U2SURP: variants seen among roughly 807,000 people sequenced by gnomAD.
The protein encoded by U2SURP is U2 snRNP associated SURP domain containing.
U2SURP carries 9 observed loss-of-function variants against 144.9 expected under a neutral mutation model. The ratio of observed to expected loss-of-function variants is 0.06; its 90% CI spans 0.04 to 0.11. U2SURP has a LOEUF of 0.11. U2SURP is among the 10% of genes least tolerant of loss of function. The probability of loss-of-function intolerance (pLI) is 1.00; values close to 1 mark genes in which losing one functional copy is unlikely to be tolerated. For synonymous variants in U2SURP, 408 were observed against 396.8 expected (o/e 1.03, Z -0.33); for missense variants, 724 against 1,226.7 (o/e 0.59, Z 6.12).
chr3:143,046,297 A>ATTTTTTTTTTTTTTTTTTTTTTTTTTT (rs11400849), intron 24 of U2SURP, among the ~76,000 whole-genome samples: 10 of 106,392 alleles, frequency 9.4e-5, no homozygotes, highest in African/African-American at 2.0e-4. Flanking sequence ...TTTATTTTTT[A>ATTTTTTTTTTTTTTTTTTTTTTTTTTT]TTTTTTTTTA....
At chr3:143,021,971 A>G (rs1936656778) in intron 10 of U2SURP, among the ~76,000 whole-genome samples, 1 of 152,198 alleles carries the variant, frequency 6.6e-6, no homozygotes, top group South Asian at 2.1e-4. Context: ...TGGGGAATGT[A>G]GTAACGGTAG....
chr3:143,021,453 T>G lies in U2SURP; in HGVS notation c.770-20T>G. The G allele has an allele frequency of 1.9e-6, 3 of 1,613,044 alleles. No individual in the cohort carries two copies. Among genetic ancestry groups the G allele is most frequent in the Non-Finnish European group, 2.5e-6 (3 of 1,179,452 alleles). On this transcript the variant is annotated intron_variant, in intron 9 of 27. Coordinates refer to ENST00000473835, the MANE Select transcript of U2SURP (RefSeq NM_001080415.2). ...CTTTATGTTTTGCAGGTTATAATTC[T>G]TTTTTTCTTTCTGCCCTAGTTCTTG...
At chr3:143,028,438 A>C in intron 15 of U2SURP, 32 bp downstream of exon 15, 1 of 1,610,200 alleles carries the variant, frequency 6.2e-7, no homozygotes, top group Non-Finnish European at 8.5e-7. Flanking sequence ...GTTAATTTTG[A>C]CTCTGAGTAA....
chr3:143,012,235 G>C lies in U2SURP; in HGVS notation c.104G>C (p.Gly35Ala). Reference sequence around the variant, plus strand: ...CTTTTCCTGAAGATGGATGCATCTGGACCCTCAGATAGTGATATGCCAAGT... The same window carrying C: ...CTTTTCCTGAAGATGGATGCATCTGCACCCTCAGATAGTGATATGCCAAGT... ...GSSDAHMDAS[G>A]PSDSDMPSRT... The change falls in exon 3 of 28, where the codon GGA (glycine) becomes GCA (alanine). Residue 35 changes from glycine (G) to alanine (A), a missense_variant. Around this residue, in one of 13 missense-constraint regions of U2SURP, gnomAD observed 127 missense variants for 98.2 expected, o/e 1.29. Coordinates refer to ENST00000473835, the MANE Select transcript of U2SURP (RefSeq NM_001080415.2). 3 of 1,612,474 alleles carry C rather than the reference G, an allele frequency of 1.9e-6. No homozygotes were observed. The East Asian group carries it at 6.7e-5, about 36-fold the overall frequency.
intron 24 of U2SURP, among the ~76,000 whole-genome samples, chr3:143,046,297 A>ATTT (rs11400849): frequency 1.9e-5 from 2 of 106,394 alleles, no homozygotes; most frequent in African/African-American, 3.4e-5. Context: ...TTTATTTTTT[A>ATTT]TTTTTTTTTA....
At chr3:143,032,996 A>G (rs767325524) in intron 17 of U2SURP, 50 bp downstream of exon 17, 1 of 1,576,538 alleles carries the variant, frequency 6.3e-7, no homozygotes, top group South Asian at 1.2e-5. Flanking sequence ...GTCTTTTGGG[A>G]TTAGAATTGG....
chr3:143,033,542 A>G (rs1933627401), intron 18 of U2SURP, among the ~76,000 whole-genome samples, 192 bp downstream of exon 18: 2 of 152,184 alleles, frequency 1.3e-5, no homozygotes, highest in African/African-American at 4.8e-5. Flanking sequence ...TTGTATCTGT[A>G]CCGAACCTGT....
At position 143,056,469 on chromosome 3, in the gene U2SURP, T is replaced by C; in HGVS notation, c.*19T>C. On this transcript the variant is annotated 3_prime_UTR_variant, in exon 28 of 28. Transcript: ENST00000473835. ...ACACTGACGTAAATTTTTAAGATGCTGTCACTTATTGGAAATGCGATTTGT... is the reference window on the plus strand; with the variant it reads ...ACACTGACGTAAATTTTTAAGATGCCGTCACTTATTGGAAATGCGATTTGT... The C allele has an allele frequency of 6.2e-7, 1 of 1,609,158 alleles. No individual in the cohort carries two copies. The highest frequency in any genetic ancestry group is 8.5e-7 in the Non-Finnish European group (1 of 1,177,880).
At chr3:143,043,772 ATTT>A (rs559942509) in intron 24 of U2SURP, among the ~76,000 whole-genome samples, 1 of 140,760 alleles carries the variant, frequency 7.1e-6, no homozygotes, top group Admixed American at 7.1e-5. Flanking sequence ...TGAGAAATCC[ATTT>A]TTTTTTTTTT....
rs1045696546 is a variant in U2SURP, at chr3:143,026,818, G to C, written c.1275-331G>C. ...TTACTGATTTTATATATCAATATTT[G>C]CAGCTTTCTAATTAGTTGTGATTTA... is the stretch of plus-strand genomic sequence containing the variant. On this transcript the variant is annotated intron_variant, in intron 13 of 27. Coordinates refer to ENST00000473835, the MANE Select transcript of U2SURP (RefSeq NM_001080415.2). 5 of 166,180 alleles carry C rather than the reference G, an allele frequency of 3.0e-5. No homozygotes were observed. In the South Asian group the frequency reaches 5.7e-4, roughly 19 times the overall value. The allele number at this position is 166,180 out of a possible 1,614,324, so 10.3% of individuals were successfully genotyped here. A position where few individuals can be genotyped will look rare whatever the true frequency, so the allele number is the denominator to read the frequency against.
At chr3:143,053,625 A>G in intron 25 of U2SURP, 51 bp from the exon 26 acceptor site, 1 of 1,078,944 alleles carries the variant, frequency 9.3e-7, no homozygotes, top group Admixed American at 2.7e-5. Context: ...AATGAGATTA[A>G]CCCACATTGA....
At chr3:143,049,076 G>A (rs1313244385) in intron 24 of U2SURP, among the ~76,000 whole-genome samples, 12 of 147,152 alleles carry the variant, frequency 8.2e-5, no homozygotes, top group African/African-American at 1.5e-4. Context: ...CCAACATAGC[G>A]AAACCCTGTC....
chr3:143,045,137 G>A (rs909182457), intron 24 of U2SURP, among the ~76,000 whole-genome samples: 2 of 152,034 alleles, frequency 1.3e-5, no homozygotes, highest in African/African-American at 4.8e-5. Flanking sequence ...TTGGGAGGTC[G>A]AGGCGGGTGG....
At chr3:143,044,184 A>T (rs1934274579) in intron 24 of U2SURP, among the ~76,000 whole-genome samples, 1 of 151,968 alleles carries the variant, frequency 6.6e-6, no homozygotes, top group East Asian at 1.9e-4. Context: ...AGGAGAATAG[A>T]CATTGAGTGG....
chr3:143,014,179 C>G (rs184461355), intron 3 of U2SURP, 132 bp from the exon 4 acceptor site: 65 of 495,220 alleles, frequency 1.3e-4, no homozygotes, highest in Middle Eastern at 1.1e-3. Context: ...AGAGTAGCCC[C>G]AACTTTTCTT....
At chr3:143,014,785 A>G (rs1363795924) in intron 4 of U2SURP, among the ~76,000 whole-genome samples, 1 of 152,116 alleles carries the variant, frequency 6.6e-6, no homozygotes, top group East Asian at 1.9e-4. Flanking sequence ...TACCTCAAGT[A>G]TATAGAAATA....
chr3:143,051,011 G>A lies in U2SURP; in HGVS notation c.2617G>A (p.Glu873Lys). The change falls in exon 25 of 28, where the codon GAG (glutamate) becomes AAG (lysine). Residue 873 changes from glutamate (E) to lysine (K), a missense_variant. Glu to Lys is a moderately conservative substitution (Grantham distance 56, BLOSUM62 1). Coordinates refer to ENST00000473835, the MANE Select transcript of U2SURP (RefSeq NM_001080415.2). ...RPKKPGQSFQEQVEHYRDKLL... is the reference protein window; with the variant it reads ...RPKKPGQSFQKQVEHYRDKLL... ...TAAAAAACCAGGCCAGAGTTTTCAG[G>A]AGCAAGTAGAACACTACAGAGATAA... 6.2e-7 allele frequency: 1 copy of A among 1,612,902 alleles called. No individual in the cohort carries two copies. The highest frequency in any genetic ancestry group is 8.5e-7 in the Non-Finnish European group (1 of 1,179,400).
chr3:143,033,397 G>C (rs963959346), intron 18 of U2SURP, 47 bp downstream of exon 18: 1 of 1,023,860 alleles, frequency 9.8e-7, no homozygotes, highest in South Asian at 1.5e-5. Flanking sequence ...AGTATTTAAG[G>C]GTAAGGAGTT....
rs569993190 is a variant in U2SURP at position 143,004,558 on chromosome 3, C to CCAGGCTGGTCTGGAG, written c.45+2886_45+2887insAGGCTGGTCTGGAGC. On this transcript the variant is annotated intron_variant, in intron 1 of 27. Coordinates refer to ENST00000473835, the MANE Select transcript of U2SURP (RefSeq NM_001080415.2). ...GTAGAGATGGGGTTTCATCTGTTGG[C>CCAGGCTGGTCTGGAG]CTCTTGACCTTGTGACCCCCCCCCC... Among the ~76,000 whole-genome samples, 158 of 101,272 alleles carry CCAGGCTGGTCTGGAG rather than the reference C, an allele frequency of 1.6e-3. 8 individuals carry two copies. Among genetic ancestry groups the CCAGGCTGGTCTGGAG allele is most frequent in the African/African-American group, 6.0e-3 (132 of 22,140 alleles). 66.4% of individuals were successfully genotyped at this position (101,272 alleles called of 152,430 possible). A position where few individuals can be genotyped will look rare whatever the true frequency, so the allele number is the denominator to read the frequency against.
Sources: gnomAD v4.1 joint callset for allele counts (sites outside exome capture counted in the v4.1 genomes callset) on GRCh38, gnomAD v4.1.1 for gene constraint, gnomAD v4.1.1 regional missense constraint, MANE v1.5 for transcripts, NCBI Gene and HGNC (gene_info 2026-07-23, HGNC 2026-07-21) for gene names.